The following CDH3 variants were observed in gnomAD, a reference collection of about 807,000 sequenced individuals.
CDH3 encodes the protein cadherin-3.
In CDH3, 54 loss-of-function variants were observed where a neutral mutation model predicts 82.0. The observed-to-expected ratio is 0.66, with a 90% CI of 0.53 to 0.83. The LOEUF (loss-of-function observed/expected upper bound fraction) is 0.83, where lower values mean the gene tolerates loss of function less well. CDH3 is among the 40% of genes least tolerant of loss of function. The pLI is 0.00. For missense variants in CDH3, 1,054 were observed against 1,084.6 expected (o/e 0.97, Z 0.40); for synonymous variants, 446 against 437.9 (o/e 1.02, Z -0.23).
intron 1 of CDH3, 103 bp from the exon 2 acceptor site, chr16:68,645,533 G>T: frequency 6.9e-7 from 1 of 1,454,854 alleles, no homozygotes; most frequent in Non-Finnish European, 9.4e-7. Flanking sequence ...GCTCCCTGGG[G>T]CCAAGGGAGT....
rs1417123166 is a variant in CDH3, at chr16:68,684,433, G to A, written c.1183-150G>A. 4 of 876,404 alleles carry A rather than the reference G, an allele frequency of 4.6e-6. No homozygotes were observed. The East Asian group carries it at 9.7e-5, about 21-fold the overall frequency. The allele number at this position is 876,404 out of a possible 1,614,324, so 54.3% of individuals were successfully genotyped here. On this transcript the variant is annotated intron_variant, in intron 9 of 15. Transcript: ENST00000264012. ...AGATGTGCACTCAGGAAACACGGGA[G>A]TGTTTATGTTACAGAGAAAGGGCAG... is the stretch of plus-strand genomic sequence containing the variant.
intron 2 of CDH3, among the ~76,000 whole-genome samples, chr16:68,664,233 A>G (rs1258364598): frequency 6.6e-6 from 1 of 152,140 alleles, no homozygotes; most frequent in African/African-American, 2.4e-5. Flanking sequence ...AAGATCGTGA[A>G]TTTAAGTTTT....
intron 2 of CDH3, among the ~76,000 whole-genome samples, chr16:68,660,359 T>C (rs905700950): frequency 1.3e-5 from 2 of 152,260 alleles, no homozygotes; most frequent in African/African-American, 2.4e-5. Context: ...TTAAATTGCA[T>C]GACTCAGAAG....
intron 1 of CDH3, among the ~76,000 whole-genome samples, chr16:68,717,560 G>A (rs1020697502): frequency 2.6e-5 from 4 of 152,098 alleles, no homozygotes; most frequent in African/African-American, 9.7e-5. Context: ...ATCACTTGAG[G>A]TCAGGAGTTC....
intron 2 of CDH3, among the ~76,000 whole-genome samples, chr16:68,653,668 ATTTCTTTTCT>A (rs1462368111): frequency 6.7e-6 from 1 of 148,998 alleles, no homozygotes; most frequent in East Asian, 2.0e-4. Flanking sequence ...AGGGCCCTGA[ATTTCTTTTCT>A]TTTCTTTTCT....
intron 11 of CDH3, chr16:68,686,730 C>T (rs1344981566): frequency 1.4e-6 from 1 of 718,034 alleles, no homozygotes; most frequent in Non-Finnish European, 2.5e-6. Flanking sequence ...GCTGCCCATT[C>T]CACTGAAGTT....
chr16:68,704,275 AGACTTCGTCTC>A (rs1961933541), downstream of CDH3, among the ~76,000 whole-genome samples: 1 of 151,310 alleles, frequency 6.6e-6, no homozygotes, highest in Non-Finnish European at 1.5e-5. Flanking sequence ...CCACAGAGCG[AGACTTCGTCTC>A]AAAAAAAAAA....
intron 2 of CDH3, among the ~76,000 whole-genome samples, chr16:68,653,469 T>G (rs1052421654): frequency 6.6e-6 from 1 of 152,004 alleles, no homozygotes; most frequent in Admixed American, 6.6e-5. Flanking sequence ...ACTCCCGACC[T>G]CAGGTGATCC....
intron 14 of CDH3, 66 bp downstream of exon 14, chr16:68,695,451 G>A: frequency 6.6e-7 from 1 of 1,511,354 alleles, no homozygotes; most frequent in Non-Finnish European, 9.0e-7. Flanking sequence ...GGGCTGTTGG[G>A]TCAACCAACT....
chr16:68,713,448 CAG>C (rs1240215097), intron 1 of CDH3, among the ~76,000 whole-genome samples: 1 of 151,878 alleles, frequency 6.6e-6, no homozygotes, highest in African/African-American at 2.4e-5. Context: ...TCAAGTGTTT[CAG>C]AGTCTGCTTA....
intron 9 of CDH3, among the ~76,000 whole-genome samples, chr16:68,683,938 A>G (rs1961314547): frequency 6.7e-6 from 1 of 149,334 alleles, no homozygotes; most frequent in Non-Finnish European, 1.5e-5. Flanking sequence ...GTGGTGGCAC[A>G]TGCCTGTAGT....
At chr16:68,704,012 C>T (rs1458546381), downstream of CDH3, among the ~76,000 whole-genome samples, 1 of 151,864 alleles carries the variant, frequency 6.6e-6, no homozygotes, top group African/African-American at 2.4e-5. Flanking sequence ...ATTGGCCGGG[C>T]GCGGTGGCTC....
At chr16:68,652,708 C>T (rs1960282726) in intron 2 of CDH3, among the ~76,000 whole-genome samples, 1 of 152,120 alleles carries the variant, frequency 6.6e-6, no homozygotes, top group Non-Finnish European at 1.5e-5. Flanking sequence ...TTGGATGCCC[C>T]CTCCCTCCTA....
rs1174707147 is a variant in CDH3 at position 68,691,848 on chromosome 16, G to T, written c.1924G>T (p.Gly642Cys). ...VIRATVCDCH[G>C]HVETCPGPWK... ...CAGGGCCACTGTGTGCGACTGCCATGGCCATGTCGAAACCTGCCCTGGACC... is the reference window on the plus strand; with the variant it reads ...CAGGGCCACTGTGTGCGACTGCCATTGCCATGTCGAAACCTGCCCTGGACC... Residue 642 changes from glycine to cysteine, a missense_variant, in exon 13 of 16, where the codon GGC becomes TGC. Physicochemically the swap from Gly to Cys is radical, Grantham distance 159. Coordinates refer to ENST00000264012, the MANE Select transcript of CDH3 (RefSeq NM_001793.6). 6.2e-7 allele frequency: 1 copy of T among 1,613,986 alleles called. No individual in the cohort carries two copies. Among genetic ancestry groups the T allele is most frequent in the Non-Finnish European group, 8.5e-7 (1 of 1,180,010 alleles).
chr16:68,706,762 C>G (rs1308377513), intron 1 of CDH3, among the ~76,000 whole-genome samples: 2 of 151,870 alleles, frequency 1.3e-5, no homozygotes, highest in African/African-American at 4.8e-5. Flanking sequence ...CCATGTTGGT[C>G]AGGCTGGTCT....
At chr16:68,713,989 G>A (rs1361413255) in intron 1 of CDH3, among the ~76,000 whole-genome samples, 2 of 151,492 alleles carry the variant, frequency 1.3e-5, no homozygotes, top group East Asian at 1.9e-4. Flanking sequence ...GCTGGAGTGC[G>A]GTGGCTCGAT....
Position 68,698,570 on chromosome 16 carries a change from C to T in CDH3, c.*170C>T. 1 of 630,746 alleles carries T rather than the reference C, an allele frequency of 1.6e-6. No individual in the cohort carries two copies. The highest frequency in any genetic ancestry group is 2.8e-6 in the Non-Finnish European group (1 of 357,366). The allele number at this position is 630,746 out of a possible 1,614,324, so 39.1% of individuals were successfully genotyped here. A position where few individuals can be genotyped will look rare whatever the true frequency, so the allele number is the denominator to read the frequency against. On this transcript the variant is annotated 3_prime_UTR_variant, in exon 16 of 16. Coordinates refer to ENST00000264012, the MANE Select transcript of CDH3 (RefSeq NM_001793.6). ...TAGAGTGGTGGCTTCCTTAGCCTTT[C>T]AGGATGGAGGAATGTGGGCAGTTTG... is the stretch of plus-strand genomic sequence containing the variant.
intron 1 of CDH3, among the ~76,000 whole-genome samples, chr16:68,706,064 CAA>C (rs548695101): frequency 6.0e-4 from 42 of 70,588 alleles, no homozygotes; most frequent in South Asian, 1.0e-3. Flanking sequence ...GACTCCGTCT[CAA>C]AAAAAAAAAA....
intron 1 of CDH3, among the ~76,000 whole-genome samples, chr16:68,715,920 C>A (rs112785081): frequency 6.6e-6 from 1 of 152,192 alleles, no homozygotes; most frequent in African/African-American, 2.4e-5. Flanking sequence ...AAGACCTGCC[C>A]ATACAATTTC....
Sources: gnomAD v4.1 joint callset for allele counts (sites outside exome capture counted in the v4.1 genomes callset) on GRCh38, gnomAD v4.1.1 for gene constraint, MANE v1.5 for transcripts, NCBI Gene and HGNC (gene_info 2026-07-23, HGNC 2026-07-21) for gene names.